CCDC7: variants seen among roughly 807,000 people sequenced by gnomAD.
The protein encoded by CCDC7 is coiled-coil domain-containing protein 7.
Under a neutral mutation model 196.9 loss-of-function variants are expected in CCDC7, and 183 were observed. That is an observed-to-expected ratio of 0.93 (90% confidence interval 0.82 to 1.05). The LOEUF (loss-of-function observed/expected upper bound fraction) is 1.05, where lower values mean the gene tolerates loss of function less well. Ranked by LOEUF, CCDC7 falls within the 50% of genes least tolerant of loss-of-function variation. The pLI is 0.00. For synonymous variants in CCDC7, 525 were observed against 484.6 expected (o/e 1.08, Z -1.10); for missense variants, 1,540 against 1,482.2 (o/e 1.04, Z -0.64).
chr10:32,606,607 G>T (rs1020799324), intron 18 of CCDC7, among the ~76,000 whole-genome samples: 11 of 152,236 alleles, frequency 7.2e-5, no homozygotes, highest in African/African-American at 2.7e-4. Context: ...GGGACATGGA[G>T]TCAAAGGAGA....
chr10:32,508,599 G>A (rs1035854432), intron 9 of CCDC7, among the ~76,000 whole-genome samples: 6 of 152,058 alleles, frequency 3.9e-5, no homozygotes, highest in Non-Finnish European at 7.4e-5. Context: ...TTTAGCAAGA[G>A]TAGTAAGGCT....
chr10:32,847,738 G>A, intron 37 of CCDC7, 95 bp from the exon 39 acceptor site: 9 of 760,852 alleles, frequency 1.2e-5, no homozygotes, highest in Non-Finnish European at 4.2e-6. Context: ...GAAAAGAAAA[G>A]AAAAAGAAAT....
At chr10:32,690,003 G>A (rs1446644365) in intron 23 of CCDC7, among the ~76,000 whole-genome samples, 1 of 152,140 alleles carries the variant, frequency 6.6e-6, no homozygotes, top group Non-Finnish European at 1.5e-5. Flanking sequence ...CCAAAGTGCT[G>A]GCATTGCAGG....
intron 39 of CCDC7, among the ~76,000 whole-genome samples, chr10:32,849,344 T>G (rs1428843686): frequency 1.3e-5 from 2 of 152,114 alleles, no homozygotes; most frequent in Non-Finnish European, 2.9e-5. Flanking sequence ...GTTGGCTGGC[T>G]GTTGTTTGAG....
intron 11 of CCDC7, among the ~76,000 whole-genome samples, chr10:32,535,529 T>C (rs1202755338): frequency 6.6e-6 from 1 of 152,110 alleles, no homozygotes; most frequent in Non-Finnish European, 1.5e-5. Flanking sequence ...CATAGATGGA[T>C]TCAAGGTTTT....
intron 28 of CCDC7, among the ~76,000 whole-genome samples, chr10:32,773,597 T>A (rs900813010): frequency 2.6e-5 from 4 of 152,188 alleles, no homozygotes; most frequent in African/African-American, 9.6e-5. Flanking sequence ...TAGTTTTCTA[T>A]CTGTATTTTT....
chr10:32,761,349 T>C (rs979816985), intron 28 of CCDC7, among the ~76,000 whole-genome samples: 22 of 152,116 alleles, frequency 1.4e-4, no homozygotes, highest in African/African-American at 4.6e-4. Context: ...ACTGATACCG[T>C]GGCATCATAT....
chr10:32,493,066 A>G (rs541715449), intron 9 of CCDC7, among the ~76,000 whole-genome samples: 8 of 152,070 alleles, frequency 5.3e-5, no homozygotes, highest in South Asian at 2.1e-4. Flanking sequence ...CCTCACATAC[A>G]TATCTTTTTT....
chr10:32,555,521 G>A (rs968758134), intron 13 of CCDC7, among the ~76,000 whole-genome samples: 1 of 152,168 alleles, frequency 6.6e-6, no homozygotes, highest in African/African-American at 2.4e-5. Context: ...TGGTATTACA[G>A]GTGTGAGCCA....
At chr10:32,552,621 C>T (rs546280558) in intron 13 of CCDC7, among the ~76,000 whole-genome samples, 5 of 152,184 alleles carry the variant, frequency 3.3e-5, no homozygotes, top group South Asian at 4.1e-4. Flanking sequence ...TTGGTAATGG[C>T]GAATTCTCTC....
At chr10:32,738,494 T>TTTTTTTTTAGG (rs2085255872) in intron 28 of CCDC7, among the ~76,000 whole-genome samples, 1 of 138,236 alleles carries the variant, frequency 7.2e-6, no homozygotes, top group Non-Finnish European at 1.6e-5. Flanking sequence ...TTTTTTTTTT[T>TTTTTTTTTAGG]GACAGGGCCT....
At chr10:32,694,409 A>G (rs2077446067) in intron 23 of CCDC7, among the ~76,000 whole-genome samples, 1 of 152,216 alleles carries the variant, frequency 6.6e-6, no homozygotes, top group East Asian at 1.9e-4. Context: ...AATGGGTTTC[A>G]TTATGTGTCA....
At chr10:32,443,726 AT>A (rs2030464145), upstream of CCDC7, among the ~76,000 whole-genome samples, 1 of 152,066 alleles carries the variant, frequency 6.6e-6, no homozygotes, top group Admixed American at 6.5e-5. Flanking sequence ...AACCTGTAGT[AT>A]ATGTCATTTA....
At chr10:32,639,691 G>T (rs1276593705) in intron 20 of CCDC7, among the ~76,000 whole-genome samples, 1 of 149,262 alleles carries the variant, frequency 6.7e-6, no homozygotes, top group Non-Finnish European at 1.5e-5. Flanking sequence ...GCAGTGGCAC[G>T]ATCTCGGCTC....
At chr10:32,725,319 C>A in intron 25 of CCDC7, 1 of 470,830 alleles carries the variant, frequency 2.1e-6, no homozygotes, top group South Asian at 1.5e-5. Context: ...CAAAAACAAA[C>A]CTACTAAAAG....
At chr10:32,712,316 C>T (rs1326710340) in intron 25 of CCDC7, among the ~76,000 whole-genome samples, 1 of 152,116 alleles carries the variant, frequency 6.6e-6, no homozygotes, top group Non-Finnish European at 1.5e-5. Flanking sequence ...CAGAGCTGGC[C>T]AAAAGCATCG....
intron 9 of CCDC7, chr10:32,513,874 C>T (rs1234887722): frequency 3.9e-5 from 6 of 152,138 alleles, no homozygotes; most frequent in African/African-American, 1.4e-4. Flanking sequence ...ATCTACAAAC[C>T]CCATGGTCAA....
At chr10:32,560,287 G>T (rs1050679763) in intron 13 of CCDC7, among the ~76,000 whole-genome samples, 23 of 152,256 alleles carry the variant, frequency 1.5e-4, no homozygotes, top group Admixed American at 3.9e-4. Context: ...ATCTAGCAAG[G>T]CAGGCCAACA....
intron 32 of CCDC7, among the ~76,000 whole-genome samples, chr10:32,828,787 G>A (rs186082201): frequency 4.6e-5 from 7 of 152,226 alleles, no homozygotes; most frequent in Admixed American, 4.6e-4. Flanking sequence ...AGGATTCACA[G>A]GTCCAGGAAT....
Sources: gnomAD v4.1 joint callset for allele counts (sites outside exome capture counted in the v4.1 genomes callset) on GRCh38, gnomAD v4.1.1 for gene constraint, MANE v1.5 for transcripts, NCBI Gene and HGNC (gene_info 2026-07-23, HGNC 2026-07-21) for gene names.